Variants in ANKRD26 observed in about 807,000 individuals in gnomAD.
ANKRD26 encodes ankyrin repeat domain 26, also known as ankyrin repeat domain-containing protein 26.
A neutral mutation model predicts 208.7 loss-of-function variants in ANKRD26; 141 were observed. That is an observed-to-expected ratio of 0.68 (90% CI 0.59 to 0.78). The LOEUF is 0.78. ANKRD26 is among the 30% of genes least tolerant of loss of function. The probability of loss-of-function intolerance (pLI) is 0.00; values close to 1 mark genes in which losing one functional copy is unlikely to be tolerated. For synonymous variants in ANKRD26, 636 were observed against 660.4 expected, an observed-to-expected ratio of 0.96 and a Z score of 0.57; for missense variants, 1,889 against 1,938.7, an observed-to-expected ratio of 0.97 and a Z score of 0.48.
chr10:27,089,811 A>G (rs1187786488), intron 4 of ANKRD26, among the ~76,000 whole-genome samples: 1 of 152,160 alleles, frequency 6.6e-6, no homozygotes, highest in Non-Finnish European at 1.5e-5. Flanking sequence ...CAAAACAAAA[A>G]GAATCCTACA....
intron 20 of ANKRD26, among the ~76,000 whole-genome samples, chr10:27,040,392 C>CA (rs1460286570): frequency 6.6e-6 from 1 of 151,868 alleles, no homozygotes; most frequent in African/African-American, 2.4e-5. Context: ...TGACAAAATA[C>CA]AAAAAAAGTG....
chr10:27,033,787 G>C (rs951914122), intron 24 of ANKRD26, among the ~76,000 whole-genome samples: 4 of 152,056 alleles, frequency 2.6e-5, no homozygotes, highest in Non-Finnish European at 4.4e-5. Flanking sequence ...ATACTTAATT[G>C]CTTGCTCAAA....
Position 27,092,474 on chromosome 10 carries a change from T to C in ANKRD26, c.570A>G (p.Lys190=). 1 of 1,613,784 alleles carries C rather than the reference T, an allele frequency of 6.2e-7. No individual in the cohort carries two copies. Among genetic ancestry groups the C allele is most frequent in the East Asian group, 2.2e-5 (1 of 44,848 alleles). Reference sequence around the variant, plus strand: ...TTAAAAATTCCACCATTTGCTGCTTTTTTCCACTTACTGCAAGTAAAAGTG... The same window carrying C: ...TTAAAAATTCCACCATTTGCTGCTTCTTTCCACTTACTGCAAGTAAAAGTG... ...LTPLLLAVSG[K]KQQMVEFLIK... is the part of the protein sequence containing the mutation. Residue 190 remains lysine, a synonymous_variant, in exon 4 of 34, where the codon AAA becomes AAG. Coordinates refer to ENST00000376087, the MANE Select transcript of ANKRD26 (RefSeq NM_014915.3).
chr10:27,074,237 A>C (rs1293241417), intron 9 of ANKRD26, among the ~76,000 whole-genome samples: 1 of 152,236 alleles, frequency 6.6e-6, no homozygotes, highest in Non-Finnish European at 1.5e-5. Flanking sequence ...AAGTTACTCA[A>C]GAATATACAA....
At chr10:27,098,092 G>C (rs74608588) in intron 1 of ANKRD26, among the ~76,000 whole-genome samples, 2,549 of 152,082 alleles carry the variant, frequency 0.017, 145 homozygotes, top group East Asian at 0.15. Flanking sequence ...TATAAATACA[G>C]ATAAAAAGAT....
intron 20 of ANKRD26, among the ~76,000 whole-genome samples, chr10:27,041,150 A>C (rs74128549): frequency 6.6e-6 from 1 of 152,142 alleles, no homozygotes; most frequent in Non-Finnish European, 1.5e-5. Flanking sequence ...AAACTGACAT[A>C]AAGTCCAGCA....
the ANKRD26 span, among the ~76,000 whole-genome samples, chr10:26,962,341 G>T: frequency 6.6e-6 from 1 of 152,160 alleles, no homozygotes; most frequent in African/African-American, 2.4e-5. Flanking sequence ...TTGGGAGGCT[G>T]AGGCGGGCAG....
chr10:27,031,386 A>G (rs1392918725), intron 25 of ANKRD26, among the ~76,000 whole-genome samples: 1 of 152,258 alleles, frequency 6.6e-6, no homozygotes, highest in Non-Finnish European at 1.5e-5. Context: ...TATGTGCTAC[A>G]ACACAGATGG....
In ANKRD26 at chr10:27,037,877, CA is replaced by C. The variant is rs1438423547; in HGVS notation, c.2552del (p.Leu851Ter). ...EMELRTVKSN[L>X]NQVVQERNDA... ...TTATCAAAAATTAATTTACCTGATT[CA>C]AATTACTTTTTACAGTCCTCAATTC... On this transcript the variant is annotated frameshift_variant, in exon 22 of 34. Transcript: ENST00000376087. LOFTEE classifies it high-confidence loss of function. 1 of 1,606,374 alleles carries C rather than the reference CA, an allele frequency of 6.2e-7. No homozygotes were observed. Among genetic ancestry groups the C allele is most frequent in the Non-Finnish European group, 8.5e-7 (1 of 1,176,578 alleles).
At chr10:26,974,307 T>C (rs1374668058) in exon 6 of ANKRD26, among the ~76,000 whole-genome samples, 1 of 151,822 alleles carries the variant, frequency 6.6e-6, no homozygotes, top group Non-Finnish European at 1.5e-5. Context: ...TTCTGGGTCA[T>C]CATTCCTTTG....
chr10:27,001,820 T>C (rs187110000), downstream of ANKRD26, among the ~76,000 whole-genome samples: 27 of 152,304 alleles, frequency 1.8e-4, no homozygotes, highest in Admixed American at 1.6e-3. Context: ...GCAGCTCGAT[T>C]TTTCAGGCTG....
rs564448342 is a variant in ANKRD26 at position 27,035,595 on chromosome 10, T to G, written c.2855A>C (p.Lys952Thr). 1.5e-4 allele frequency: 239 copies of G among 1,606,364 alleles called. 2 individuals are homozygous for G. The South Asian group carries it at 2.3e-3, about 16-fold the overall frequency. Reference protein sequence around the residue: ...CFEDLKIVKEKNEDLQKTIKQ... With the variant: ...CFEDLKIVKETNEDLQKTIKQ... ...TATAGTCTTCTGAAGGTCTTCATTC[T>G]TTTCTTTTACAATTTTAAGGTCCTC... The change falls in exon 24 of 34, where the codon AAG becomes ACG. Residue 952 changes from lysine (K) to threonine (T), a missense_variant. Coordinates refer to ENST00000376087, the MANE Select transcript of ANKRD26 (RefSeq NM_014915.3).
the ANKRD26 span, among the ~76,000 whole-genome samples, chr10:26,962,878 C>T: frequency 6.6e-6 from 1 of 152,170 alleles, no homozygotes; most frequent in African/African-American, 2.4e-5. Flanking sequence ...GTTCCATGCA[C>T]TCGGTCTTTA....
At chr10:27,041,677 A>G (rs966537938) in intron 20 of ANKRD26, among the ~76,000 whole-genome samples, 1 of 152,204 alleles carries the variant, frequency 6.6e-6, no homozygotes, top group African/African-American at 2.4e-5. Flanking sequence ...GAAAATAAAC[A>G]CAGATTAACC....
rs201631092 is a variant in ANKRD26 at position 27,062,696 on chromosome 10, C to CCTA, written c.1363+1289_1363+1291dup. ...CTTCCTTGATCTCTCCATAACCAAC[C>CCTA]CTACTCTCTTCTTTCCAATTCTTTT... is the stretch of plus-strand genomic sequence containing the variant. On this transcript the variant is annotated intron_variant, in intron 12 of 33. Transcript: ENST00000376087. Among the ~76,000 whole-genome samples, 370 of 152,222 alleles carry CCTA rather than the reference C, an allele frequency of 2.4e-3. 2 individuals are homozygous for CCTA. The highest frequency in any genetic ancestry group is 8.4e-3 in the African/African-American group (350 of 41,530).
chr10:27,035,570 T>C lies in ANKRD26; in HGVS notation c.2880A>G (p.Ile960Met), dbSNP rs1480873954. The C allele has an allele frequency of 1.9e-6, 3 of 1,613,688 alleles. No homozygotes were observed. The highest frequency in any genetic ancestry group is 2.7e-5 in the African/African-American group (2 of 74,924). The change falls in exon 24 of 34, where the codon ATA (isoleucine) becomes ATG (methionine). Residue 960 changes from isoleucine (I) to methionine (M), a missense_variant. Coordinates refer to ENST00000376087, the MANE Select transcript of ANKRD26 (RefSeq NM_014915.3). ...KEKNEDLQKTIKQNEETLTQT... is the reference protein window; with the variant it reads ...KEKNEDLQKTMKQNEETLTQT... ...GTGTTAATGTTTCCTCATTCTGTTT[T>C]ATAGTCTTCTGAAGGTCTTCATTCT...
intron 24 of ANKRD26, among the ~76,000 whole-genome samples, chr10:27,033,834 A>G (rs1589250324): frequency 6.6e-6 from 1 of 152,132 alleles, no homozygotes. Context: ...ATACAGGTAA[A>G]TTCCAATGGC....
chr10:26,981,994 C>T (rs916027328), intron 4 of ANKRD26, among the ~76,000 whole-genome samples: 5 of 152,198 alleles, frequency 3.3e-5, no homozygotes, highest in African/African-American at 7.2e-5. Context: ...TCCTCCCAGA[C>T]ATCCTCATGT....
At chr10:26,983,287 G>C (rs2052336129) in intron 3 of ANKRD26, among the ~76,000 whole-genome samples, 1 of 152,136 alleles carries the variant, frequency 6.6e-6, no homozygotes, top group South Asian at 2.1e-4. Context: ...CAATGAGACT[G>C]CAAATGAAAA....
Sources: allele counts gnomAD v4.1 joint callset (sites outside exome capture counted in the v4.1 genomes callset), GRCh38; gene constraint gnomAD v4.1.1; transcripts MANE v1.5; gene names NCBI Gene and HGNC (gene_info 2026-07-23, HGNC 2026-07-21).